Variants in PFKM observed in about 807,000 individuals in gnomAD.
PFKM encodes phosphofructokinase, muscle.
A neutral mutation model predicts 95.5 loss-of-function variants in PFKM; 58 were observed. That is an observed-to-expected ratio of 0.61 (90% CI 0.49 to 0.76). PFKM has a LOEUF of 0.76. Ranked by LOEUF, PFKM falls within the 30% of genes least tolerant of loss-of-function variation. PFKM has a pLI of 0.00. For missense variants in PFKM, 678 were observed against 1,005.4 expected (o/e 0.67, Z 4.40); for synonymous variants, 336 against 357.2 (o/e 0.94, Z 0.67).
chr12:48,135,465 GACAGGGACTTACATC>G, intron 10 of PFKM, 82 bp downstream of exon 10: 1 of 988,144 alleles, frequency 1.0e-6, no homozygotes, highest in Non-Finnish European at 1.6e-6. Flanking sequence ...CACTTCACCA[GACAGGGACTTACATC>G]ACTGGTCGCA....
At chr12:48,129,376 T>G (rs983865660) in intron 2 of PFKM, among the ~76,000 whole-genome samples, 1 of 151,938 alleles carries the variant, frequency 6.6e-6, no homozygotes, top group African/African-American at 2.4e-5. Flanking sequence ...TCTAAGTTTT[T>G]CTTCCAGTAG....
chr12:48,131,244 A>G (rs1949447315), intron 3 of PFKM, 72 bp from the exon 4 acceptor site: 1 of 1,055,042 alleles, frequency 9.5e-7, no homozygotes, highest in Non-Finnish European at 1.5e-6. Flanking sequence ...ATCTCTTCCC[A>G]GGGATCCTGT....
rs1310340050 is a variant in PFKM at position 48,141,814 on chromosome 12, T to C, written c.1487T>C (p.Ile496Thr). The C allele has an allele frequency of 1.4e-5, 22 of 1,613,906 alleles. No homozygotes were observed. The highest frequency in any genetic ancestry group is 1.6e-4 in the Middle Eastern group (1 of 6,062). The change falls in exon 16 of 23, where the codon ATT (isoleucine) becomes ACT (threonine). Residue 496 changes from isoleucine (I) to threonine (T), a missense_variant. Ile to Thr is a moderately conservative substitution (Grantham distance 89). Transcript: ENST00000359794. Reference sequence around the variant, plus strand: ...TTTAACATTCAGGGCCTTGTCATCATTGGGGGCTTTGAGGTGAGTGCCTGC... The same window carrying C: ...TTTAACATTCAGGGCCTTGTCATCACTGGGGGCTTTGAGGTGAGTGCCTGC... ...TKFNIQGLVIIGGFEAYTGGL... is the reference protein window; with the variant it reads ...TKFNIQGLVITGGFEAYTGGL...
At position 48,131,396 on chromosome 12, in the gene PFKM, A is replaced by T. The variant is rs367805617; in HGVS notation, c.237+3A>T. On this transcript the variant is annotated splice_donor_region_variant and intron_variant, in intron 4 of 22. Transcript: ENST00000359794. ...GCGTTTCGATGATGCTTCAGCTGGTATGTTCCAGAGAACTCCCTGTCCCAT... is the reference window on the plus strand; with the variant it reads ...GCGTTTCGATGATGCTTCAGCTGGTTTGTTCCAGAGAACTCCCTGTCCCAT... 4 of 1,606,068 alleles carry T rather than the reference A, an allele frequency of 2.5e-6. No homozygotes were observed. The African/African-American group carries it at 5.4e-5, about 21-fold the overall frequency.
intron 3 of PFKM, 83 bp downstream of exon 3, chr12:48,130,519 CCT>C (rs1208514297): frequency 1.4e-5 from 14 of 999,238 alleles, no homozygotes; most frequent in Non-Finnish European, 1.5e-5. Context: ...CATTCTGTGT[CCT>C]TACCTCCCAG....
rs1472364756 is a variant in PFKM, at chr12:48,140,656, A to G, written c.1192-66A>G. 7 of 1,543,708 alleles carry G rather than the reference A, an allele frequency of 4.5e-6. No individual in the cohort carries two copies. In the East Asian group the frequency reaches 1.3e-4, roughly 30 times the overall value. Reference sequence around the variant, plus strand: ...GGGCTTAGAGCCCTTGCCCTCCTTTACTAACCTCCTCCCTGTTCCCCTGCT... The same window carrying G: ...GGGCTTAGAGCCCTTGCCCTCCTTTGCTAACCTCCTCCCTGTTCCCCTGCT... On this transcript the variant is annotated intron_variant, in intron 13 of 22. Transcript: ENST00000359794.
chr12:48,142,434 C>G, intron 17 of PFKM: 1 of 432,598 alleles, frequency 2.3e-6, no homozygotes, highest in Non-Finnish European at 4.3e-6. Flanking sequence ...GATCGTGCCA[C>G]TTTACTCCAG....
In PFKM at chr12:48,107,081, C is replaced by G. The variant is rs78782922; in HGVS notation, c.-9-284C>G. ...GCCCCCTTAATAGGTCCTTTACACC[C>G]AGATCACAGCCACAGGCACAGTCTG... On this transcript the variant is annotated intron_variant, in intron 1 of 24. Coordinates refer to the PFKM transcript ENST00000340802. 0.06 allele frequency among the ~76,000 whole-genome samples: 9,126 copies of G among 152,200 alleles called. 361 individuals carry two copies. Among genetic ancestry groups the G allele is most frequent in the Non-Finnish European group, 0.093 (6,339 of 67,978 alleles).
intron 11 of PFKM, 87 bp downstream of exon 11, chr12:48,137,933 TG>T: frequency 6.9e-7 from 1 of 1,447,056 alleles, no homozygotes; most frequent in Non-Finnish European, 9.7e-7. Flanking sequence ...CTAAGGCCAC[TG>T]GTATAGGAGC....
At chr12:48,114,414 G>A (rs576319781), upstream of PFKM, among the ~76,000 whole-genome samples, 16 of 152,300 alleles carry the variant, frequency 1.1e-4, no homozygotes, top group Middle Eastern at 3.4e-3. Context: ...TTGGGCAGGT[G>A]GGGGAGAGCT....
exon 1 of PFKM, chr12:48,106,100 A>C: frequency 1.4e-6 from 1 of 702,706 alleles, no homozygotes; most frequent in South Asian, 1.5e-5. Context: ...AACCGCCGCG[A>C]ACCGGAACCG....
At chr12:48,144,891 C>T (rs1950892271) in intron 20 of PFKM, 140 bp from the exon 21 acceptor site, 1 of 718,020 alleles carries the variant, frequency 1.4e-6, no homozygotes, top group Admixed American at 2.2e-5. Flanking sequence ...CTCAGGGCAC[C>T]CTTTCATAGT....
exon 1 of PFKM, chr12:48,105,933 A>T (rs1946531446): frequency 1.2e-5 from 8 of 678,820 alleles, no homozygotes; most frequent in Non-Finnish European, 2.2e-5. Context: ...GCTTCCGCCC[A>T]GTCCAGCCCG....
In PFKM at chr12:48,137,962, G is replaced by A. The variant is rs1274210836; in HGVS notation, c.1062+116G>A. On this transcript the variant is annotated intron_variant, in intron 11 of 22. Transcript: ENST00000359794. ...ATAGGAGCAGGTGGAAAGGCAAGAT[G>A]GTATAGTAAGAGACATGTGGGGAAA... is the stretch of plus-strand genomic sequence containing the variant. 2.7e-6 allele frequency: 3 copies of A among 1,115,020 alleles called. No individual in the cohort carries two copies. The Admixed American group carries it at 5.2e-5, about 19-fold the overall frequency. The allele number at this position is 1,115,020 out of a possible 1,614,324, so 69.1% of individuals were successfully genotyped here. A position where few individuals can be genotyped will look rare whatever the true frequency, so the allele number is the denominator to read the frequency against.
intron 1 of PFKM, among the ~76,000 whole-genome samples, chr12:48,121,028 G>A (rs537663088): frequency 6.6e-6 from 1 of 152,338 alleles, no homozygotes; most frequent in East Asian, 1.9e-4. Context: ...GTGCATGTCT[G>A]TAATCCCAGC....
chr12:48,143,027 C>A, intron 18 of PFKM, 81 bp downstream of exon 18: 1 of 1,353,748 alleles, frequency 7.4e-7, no homozygotes. Flanking sequence ...TATGAGAGCT[C>A]AAGTTGAGGA....
chr12:48,126,957 A>AT (rs1316852965), intron 2 of PFKM, among the ~76,000 whole-genome samples: 13 of 152,130 alleles, frequency 8.5e-5, no homozygotes, highest in African/African-American at 2.9e-4. Context: ...CTCTTCACAG[A>AT]TTTTTTGGTT....
chr12:48,114,219 A>G (rs999884651), intron 3 of PFKM, among the ~76,000 whole-genome samples: 4 of 152,190 alleles, frequency 2.6e-5, no homozygotes, highest in African/African-American at 9.7e-5. Flanking sequence ...AGTTAGGATG[A>G]CATTTAGGTC....
rs1448652214 is a variant in PFKM, at chr12:48,130,450, T to C, written c.159+14T>C. The C allele has an allele frequency of 6.3e-7, 1 of 1,591,096 alleles. No homozygotes were observed. The highest frequency in any genetic ancestry group is 8.6e-7 in the Non-Finnish European group (1 of 1,158,796). On this transcript the variant is annotated intron_variant, in intron 3 of 22. Coordinates refer to ENST00000359794, the MANE Select transcript of PFKM (RefSeq NM_000289.6). Reference sequence around the variant, plus strand: ...TTTGTCCATGAGGTTGGTTCTGTACTTTGTTCTTCATCATTCTTTCTCTGT... The same window carrying C: ...TTTGTCCATGAGGTTGGTTCTGTACCTTGTTCTTCATCATTCTTTCTCTGT...
Sources: gnomAD v4.1 joint callset for allele counts (sites outside exome capture counted in the v4.1 genomes callset) on GRCh38, gnomAD v4.1.1 for gene constraint, MANE v1.5 for transcripts, NCBI Gene and HGNC (gene_info 2026-07-23, HGNC 2026-07-21) for gene names.